Variants in COMMD10 observed in about 807,000 individuals in gnomAD.
COMMD10 encodes the protein COMM domain-containing protein 10.
A neutral mutation model predicts 28.9 loss-of-function variants in COMMD10; 33 were observed. That is an observed-to-expected ratio of 1.14 (90% CI 0.87 to 1.53). The LOEUF is 1.53. COMMD10 is among the 40% of genes most tolerant of loss of function. The probability of loss-of-function intolerance (pLI) is 0.00; values close to 1 mark genes in which losing one functional copy is unlikely to be tolerated. For missense variants in COMMD10, 310 were observed against 233.4 expected, an observed-to-expected ratio of 1.33 and a Z score of -2.14; for synonymous variants, 110 against 81.7, an observed-to-expected ratio of 1.35 and a Z score of -1.87.
chr5:116,150,757 GC>G (rs1178350644), intron 5 of COMMD10, among the ~76,000 whole-genome samples: 5 of 125,206 alleles, frequency 4.0e-5, no homozygotes, highest in Admixed American at 2.5e-4. Context: ...GAGATTTTGG[GC>G]TGAGACAGTG....
rs1012776964 is a variant in COMMD10 at position 116,254,681 on chromosome 5, G to A, written c.511-36836G>A. Among the ~76,000 whole-genome samples the A allele has an allele frequency of 1.3e-4, 20 of 151,786 alleles. 2 individuals are homozygous for A. The highest frequency in any genetic ancestry group is 4.6e-4 in the African/African-American group (19 of 41,112). ...TGAGAGATAGTTTGTTATAATTTCTGATCTTTTACATTTGCTGAGGAGATC... is the reference window on the plus strand; with the variant it reads ...TGAGAGATAGTTTGTTATAATTTCTAATCTTTTACATTTGCTGAGGAGATC... On this transcript the variant is annotated intron_variant, in intron 5 of 6. Transcript: ENST00000274458.
intron 5 of COMMD10, among the ~76,000 whole-genome samples, chr5:116,152,862 T>G (rs935766227): frequency 2.0e-5 from 3 of 152,140 alleles, no homozygotes; most frequent in Non-Finnish European, 2.9e-5. Context: ...TTAAGTAGTT[T>G]CATTGACCTA....
intron 5 of COMMD10, among the ~76,000 whole-genome samples, chr5:116,159,691 C>A (rs1404774885): frequency 1.3e-5 from 2 of 152,076 alleles, no homozygotes; most frequent in Non-Finnish European, 2.9e-5. Flanking sequence ...CAAGTACAGG[C>A]TGAGTGCAGA....
rs201935840 is a variant in COMMD10, at chr5:116,225,683, A to G, written c.511-65834A>G. Among the ~76,000 whole-genome samples the G allele has an allele frequency of 4.8e-3, 726 of 152,228 alleles. 5 individuals are homozygous for G. Among genetic ancestry groups the G allele is most frequent in the African/African-American group, 0.015 (617 of 41,538 alleles). On this transcript the variant is annotated intron_variant, in intron 5 of 6. Transcript: ENST00000274458. ...AATTTCCTCCTAATTGACAGTAGCCATGCCAGCTTTGGGCCCTATACTCTG... is the reference window on the plus strand; with the variant it reads ...AATTTCCTCCTAATTGACAGTAGCCGTGCCAGCTTTGGGCCCTATACTCTG...
chr5:116,111,110 A>G (rs1580453138), intron 4 of COMMD10, among the ~76,000 whole-genome samples: 1 of 152,264 alleles, frequency 6.6e-6, no homozygotes, highest in East Asian at 1.9e-4. Context: ...AATTTTTCTC[A>G]TATCATTTGT....
intron 5 of COMMD10, among the ~76,000 whole-genome samples, chr5:116,175,084 T>C (rs1481977583): frequency 5.3e-5 from 8 of 152,198 alleles, no homozygotes; most frequent in Non-Finnish European, 8.8e-5. Flanking sequence ...TCTTTCTAAA[T>C]GCCACATTCA....
chr5:116,169,773 C>A (rs112046775), intron 5 of COMMD10, among the ~76,000 whole-genome samples: 7,942 of 152,038 alleles, frequency 0.052, 288 homozygotes, highest in African/African-American at 0.11. Context: ...AAAAGGCCTT[C>A]GATAAAATTC....
intron 5 of COMMD10, among the ~76,000 whole-genome samples, chr5:116,143,454 G>A (rs1280374540): frequency 6.6e-6 from 1 of 151,614 alleles, no homozygotes; most frequent in Non-Finnish European, 1.5e-5. Context: ...TTAAAATATT[G>A]TTTTACTAAA....
At position 116,269,326 on chromosome 5, in the gene COMMD10, T is replaced by G. The variant is rs188505462; in HGVS notation, c.511-22191T>G. The stretch of plus-strand genomic sequence containing the variant: ...CCTTTAAGGGGAAAGCTAATCCACT[T>G]GGAGAAATTTTGGGCCACCCACCAA... On this transcript the variant is annotated intron_variant, in intron 5 of 6. Coordinates refer to ENST00000274458, the MANE Select transcript of COMMD10 (RefSeq NM_016144.4). 5.3e-5 allele frequency among the ~76,000 whole-genome samples: 8 copies of G among 152,018 alleles called. 1 individual carries two copies. Among genetic ancestry groups the G allele is most frequent in the African/African-American group, 1.9e-4 (8 of 41,310 alleles).
At chr5:116,264,860 C>A (rs1750544770) in intron 5 of COMMD10, among the ~76,000 whole-genome samples, 1 of 151,792 alleles carries the variant, frequency 6.6e-6, no homozygotes, top group Admixed American at 6.6e-5. Context: ...CAAGTCTATT[C>A]CATGTAAATG....
chr5:116,156,356 A>G (rs1401636597), intron 5 of COMMD10, among the ~76,000 whole-genome samples: 1 of 152,180 alleles, frequency 6.6e-6, no homozygotes, highest in African/African-American at 2.4e-5. Flanking sequence ...TTGGAACAAT[A>G]GTAGGTGCCT....
intron 5 of COMMD10, among the ~76,000 whole-genome samples, chr5:116,182,742 TAATA>T (rs1204002915): frequency 6.6e-6 from 1 of 151,992 alleles, no homozygotes; most frequent in African/African-American, 2.4e-5. Flanking sequence ...GTCCAGAAAA[TAATA>T]AATACATGAT....
At chr5:116,224,172 G>A (rs1003657755) in intron 5 of COMMD10, among the ~76,000 whole-genome samples, 9 of 152,214 alleles carry the variant, frequency 5.9e-5, no homozygotes, top group African/African-American at 9.6e-5. Flanking sequence ...TTGAACCAAT[G>A]TATCTTTTCA....
At chr5:116,283,673 TAAC>T (rs1751137000) in intron 5 of COMMD10, among the ~76,000 whole-genome samples, 1 of 151,626 alleles carries the variant, frequency 6.6e-6, no homozygotes, top group East Asian at 1.9e-4. Flanking sequence ...GGCCTCAAAA[TAAC>T]AACTTTTTAA....
At chr5:116,176,321 C>G (rs1753509785) in intron 5 of COMMD10, among the ~76,000 whole-genome samples, 3 of 152,152 alleles carry the variant, frequency 2.0e-5, no homozygotes, top group African/African-American at 7.2e-5. Context: ...GCCAGGCTGA[C>G]TAGGCTGGAC....
chr5:116,230,357 A>G lies in COMMD10; in HGVS notation c.511-61160A>G, dbSNP rs114176467. ...GCTCTTCAGATATTTCTCTACTGTAACCCCATAGCTCTTGAACATCTCATG... is the reference window on the plus strand; with the variant it reads ...GCTCTTCAGATATTTCTCTACTGTAGCCCCATAGCTCTTGAACATCTCATG... On this transcript the variant is annotated intron_variant, in intron 5 of 6. Coordinates refer to ENST00000274458, the MANE Select transcript of COMMD10 (RefSeq NM_016144.4). Among the ~76,000 whole-genome samples, 1,166 of 151,980 alleles carry G rather than the reference A, an allele frequency of 7.7e-3. 14 individuals carry two copies. Among genetic ancestry groups the G allele is most frequent in the African/African-American group, 0.027 (1,103 of 41,470 alleles).
chr5:116,266,093 A>G (rs569991467), intron 5 of COMMD10, among the ~76,000 whole-genome samples: 1 of 151,700 alleles, frequency 6.6e-6, no homozygotes, highest in Non-Finnish European at 1.5e-5. Flanking sequence ...CCCTTAAAAA[A>G]GCGGCAGGAT....
chr5:116,240,181 A>G (rs1014474549), intron 5 of COMMD10, among the ~76,000 whole-genome samples: 1 of 152,174 alleles, frequency 6.6e-6, no homozygotes, highest in Non-Finnish European at 1.5e-5. Context: ...ATATAAGAAC[A>G]TAAGTGTAGA....
At chr5:116,263,007 T>C (rs1470268342) in intron 5 of COMMD10, among the ~76,000 whole-genome samples, 6 of 151,864 alleles carry the variant, frequency 4.0e-5, no homozygotes, top group African/African-American at 1.5e-4. Flanking sequence ...TTGGTTTATA[T>C]TGGTTGTCAT....
Sources: gnomAD v4.1 joint callset for allele counts (sites outside exome capture counted in the v4.1 genomes callset) on GRCh38, gnomAD v4.1.1 for gene constraint, MANE v1.5 for transcripts, NCBI Gene and HGNC (gene_info 2026-07-23, HGNC 2026-07-21) for gene names.